The following STIM1 variants were observed in gnomAD, a reference collection of about 807,000 sequenced individuals.
The protein encoded by STIM1 is stromal interaction molecule 1.
Under a neutral mutation model 74.7 loss-of-function variants are expected in STIM1, and 25 were observed. The observed-to-expected ratio is 0.33, with a 90% confidence interval of 0.24 to 0.47. STIM1 has a LOEUF of 0.47. Ranked by LOEUF, STIM1 falls within the 20% of genes least tolerant of loss-of-function variation. The pLI, the probability that STIM1 is intolerant of heterozygous loss-of-function variation, is 1.00. For synonymous variants in STIM1, 328 were observed against 348.8 expected (o/e 0.94, Z 0.66); for missense variants, 728 against 920.8 (o/e 0.79, Z 2.71).
At chr11:4,084,544 G>C (rs2133231207) in intron 10 of STIM1, 129 bp from the exon 11 acceptor site, 1 of 593,786 alleles carries the variant, frequency 1.7e-6, no homozygotes, top group African/African-American at 1.9e-5. Context: ...CTCCAGGCTG[G>C]GAGGGACCTT....
At chr11:3,869,120 C>T (rs2090978465) in intron 1 of STIM1, among the ~76,000 whole-genome samples, 1 of 152,158 alleles carries the variant, frequency 6.6e-6, no homozygotes, top group African/African-American at 2.4e-5. Flanking sequence ...AGGCGCCAGC[C>T]ACCATGCTCG....
At chr11:4,026,386 A>C (rs527251922) in intron 3 of STIM1, among the ~76,000 whole-genome samples, 1 of 152,388 alleles carries the variant, frequency 6.6e-6, no homozygotes, top group South Asian at 2.1e-4. Flanking sequence ...TAACATTTAT[A>C]TAGTATTTAA....
chr11:3,962,445 TTGTGTGTGTGTG>T (rs139472251), intron 1 of STIM1, among the ~76,000 whole-genome samples: 15 of 147,724 alleles, frequency 1.0e-4, no homozygotes, highest in South Asian at 6.6e-4. Context: ...CTGAGTAGTA[TTGTGTGTGTGTG>T]TGTGTGTGTG....
At position 4,074,568 on chromosome 11, in the gene STIM1, G is replaced by A. The variant is rs1390999260; in HGVS notation, c.858G>A (p.Leu286=). ...AGAAGGTCCATCTGGAAAAGAAGCTGCGCGATGAGATCAACCTTGCTAAGC... is the reference window on the plus strand; with the variant it reads ...AGAAGGTCCATCTGGAAAAGAAGCTACGCGATGAGATCAACCTTGCTAAGC... ...EVEKVHLEKK[L]RDEINLAKQE... is the part of the protein sequence containing the mutation. The change falls in exon 7 of 13, where the codon CTG becomes CTA. Residue 286 remains leucine, a synonymous_variant. Transcript: ENST00000526596. 1.2e-6 allele frequency: 2 copies of A among 1,614,124 alleles called. No individual in the cohort carries two copies. The highest frequency in any genetic ancestry group is 1.7e-6 in the Non-Finnish European group (2 of 1,180,012).
intron 1 of STIM1, among the ~76,000 whole-genome samples, chr11:3,928,885 G>A (rs562271793): frequency 1.3e-5 from 2 of 151,608 alleles, no homozygotes; most frequent in East Asian, 1.9e-4. Flanking sequence ...CTTTTTCCTC[G>A]AGACAGACTC....
At chr11:4,007,999 TATAAC>T (rs1358278072) in intron 2 of STIM1, among the ~76,000 whole-genome samples, 1 of 152,120 alleles carries the variant, frequency 6.6e-6, no homozygotes, top group Non-Finnish European at 1.5e-5. Flanking sequence ...CCCCAAATTG[TATAAC>T]ATATATATAT....
intron 1 of STIM1, among the ~76,000 whole-genome samples, chr11:3,964,703 T>C (rs539202651): frequency 5.3e-5 from 8 of 152,192 alleles, no homozygotes; most frequent in African/African-American, 1.9e-4. Context: ...AATGAAAAGA[T>C]TGGATTTCTA....
intron 1 of STIM1, among the ~76,000 whole-genome samples, chr11:3,953,983 A>G (rs1022159773): frequency 4.0e-5 from 6 of 151,626 alleles, no homozygotes; most frequent in Non-Finnish European, 7.4e-5. Flanking sequence ...GAGTTTCCCT[A>G]TATTGCCCAG....
intron 12 of STIM1, chr11:4,089,077 A>C: frequency 3.4e-6 from 1 of 290,260 alleles, no homozygotes. Context: ...ACAAAAAAAA[A>C]ATCAAAAATT....
chr11:4,066,743 A>C (rs1287339365), intron 5 of STIM1, among the ~76,000 whole-genome samples: 1 of 152,182 alleles, frequency 6.6e-6, no homozygotes, highest in African/African-American at 2.4e-5. Flanking sequence ...GAGATAACCT[A>C]TGTTTACCTG....
chr11:3,937,037 G>A (rs917559917), intron 1 of STIM1, among the ~76,000 whole-genome samples: 6 of 152,036 alleles, frequency 3.9e-5, no homozygotes, highest in African/African-American at 1.4e-4. Context: ...TGGGTGCAGT[G>A]GACCACGTCT....
intron 1 of STIM1, among the ~76,000 whole-genome samples, chr11:3,938,612 T>C (rs2092965468): frequency 6.6e-6 from 1 of 152,100 alleles, no homozygotes; most frequent in Non-Finnish European, 1.5e-5. Flanking sequence ...TTTGGGAGGC[T>C]GAGGTGGGCA....
chr11:4,069,626 C>A (rs1001868227), intron 5 of STIM1, among the ~76,000 whole-genome samples: 3 of 152,150 alleles, frequency 2.0e-5, no homozygotes, highest in African/African-American at 7.2e-5. Flanking sequence ...CAGTCATCTC[C>A]ATTTACCTAC....
chr11:3,858,254 GT>G (rs1269406911), intron 1 of STIM1, among the ~76,000 whole-genome samples: 1 of 138,858 alleles, frequency 7.2e-6, no homozygotes, highest in African/African-American at 2.5e-5. Context: ...TTTGTTTTTT[GT>G]TTTTCGCCTG....
intron 1 of STIM1, among the ~76,000 whole-genome samples, chr11:3,956,728 C>CAGG (rs1275311776): frequency 7.0e-6 from 1 of 143,434 alleles, no homozygotes; most frequent in African/African-American, 2.6e-5. Flanking sequence ...GAGGCTAAGG[C>CAGG]AGGAGGATTG....
At chr11:4,020,120 A>T (rs1301515447) in intron 2 of STIM1, among the ~76,000 whole-genome samples, 1 of 152,220 alleles carries the variant, frequency 6.6e-6, no homozygotes, top group Non-Finnish European at 1.5e-5. Context: ...CAAATGACAG[A>T]ATTTCATTCT....
intron 2 of STIM1, among the ~76,000 whole-genome samples, chr11:4,010,001 T>C (rs1383196681): frequency 6.6e-6 from 1 of 151,822 alleles, no homozygotes; most frequent in African/African-American, 2.4e-5. Context: ...TTTGTGGAGA[T>C]GGGGTTTCAC....
intron 1 of STIM1, among the ~76,000 whole-genome samples, chr11:3,866,691 T>C (rs768272627): frequency 5.9e-5 from 9 of 152,018 alleles, no homozygotes; most frequent in Non-Finnish European, 4.4e-5. Context: ...TCTCAAGATA[T>C]GTCTTTTACA....
At chr11:3,898,156 C>T (rs907262610) in intron 1 of STIM1, among the ~76,000 whole-genome samples, 3 of 151,498 alleles carry the variant, frequency 2.0e-5, no homozygotes, top group African/African-American at 7.3e-5. Flanking sequence ...CCTATTTCTC[C>T]ACATCCTCTC....
Sources: gnomAD v4.1 joint callset for allele counts (sites outside exome capture counted in the v4.1 genomes callset) on GRCh38, gnomAD v4.1.1 for gene constraint, MANE v1.5 for transcripts, NCBI Gene and HGNC (gene_info 2026-07-23, HGNC 2026-07-21) for gene names.